TCF7: variants seen among roughly 807,000 people sequenced by gnomAD.
The protein encoded by TCF7 is transcription factor 7, also known as T-cell-factor-7.
A neutral mutation model predicts 46.8 loss-of-function variants in TCF7; 19 were observed. The ratio of observed to expected loss-of-function variants is 0.41; its 90% CI spans 0.28 to 0.60. The LOEUF (loss-of-function observed/expected upper bound fraction) is 0.60. Ranked by LOEUF, TCF7 falls within the 20% of genes least tolerant of loss-of-function variation. The pLI is 0.35. For synonymous variants in TCF7, 245 were observed against 213.4 expected, an observed-to-expected ratio of 1.15 and a Z score of -1.29; for missense variants, 547 against 504.6, an observed-to-expected ratio of 1.08 and a Z score of -0.81.
rs1252804988 is a variant in TCF7, at chr5:134,148,034, C to A, written c.*1731C>A. ...GTATTCACACACCCCTCAAAAAAAG[C>A]CTTTAGTTCCTACTTTAGCCACTGG... is the stretch of plus-strand genomic sequence containing the variant. On this transcript the variant is annotated 3_prime_UTR_variant, in exon 10 of 10. Transcript: ENST00000342854. The A allele has an allele frequency of 2.7e-5, 4 of 149,314 alleles. No homozygotes were observed. The highest frequency in any genetic ancestry group is 5.0e-5 in the African/African-American group (2 of 40,146). The allele number at this position is 149,314 out of a possible 1,614,324, so 9.2% of individuals were successfully genotyped here. A position where few individuals can be genotyped will look rare whatever the true frequency, so the allele number is the denominator to read the frequency against.
At chr5:134,139,622 C>G (rs1759433046) in intron 5 of TCF7, 1 of 153,790 alleles carries the variant, frequency 6.5e-6, no homozygotes, top group Admixed American at 6.4e-5. Flanking sequence ...GCCAGTAGGC[C>G]TGACTATGGG....
intron 3 of TCF7, among the ~76,000 whole-genome samples, chr5:134,135,873 G>A (rs530503211): frequency 1.3e-5 from 2 of 152,370 alleles, no homozygotes; most frequent in African/African-American, 4.8e-5. Context: ...ATATCAGGCA[G>A]TGTGGCATTC....
rs375582645 is a variant in TCF7, at chr5:134,138,065, G to A, written c.448G>A (p.Ala150Thr). ...HPQPQPPLHK[A>T]NQPPHGVPQL... ...CCTCCTTCTCATTTTTCAGCACAAG[G>A]CCAATCAGCCCCCCCACGGTGTCCC... is the stretch of plus-strand genomic sequence containing the variant. Residue 150 changes from alanine to threonine, a missense_variant, in exon 4 of 10, where the codon GCC becomes ACC. By Grantham distance (58) the Ala-to-Thr change is moderately conservative. Coordinates refer to ENST00000342854, the MANE Select transcript of TCF7 (RefSeq NM_003202.5). 3.8e-6 allele frequency: 6 copies of A among 1,598,076 alleles called. No individual in the cohort carries two copies. The highest frequency in any genetic ancestry group is 3.4e-6 in the Non-Finnish European group (4 of 1,171,190).
chr5:134,125,901 G>T (rs1757284932), intron 3 of TCF7, among the ~76,000 whole-genome samples: 2 of 152,168 alleles, frequency 1.3e-5, no homozygotes, highest in South Asian at 2.1e-4. Context: ...TGCTGTGTGG[G>T]TTCCCTCTCC....
At chr5:134,127,478 G>A (rs571264453) in intron 3 of TCF7, among the ~76,000 whole-genome samples, 8 of 152,370 alleles carry the variant, frequency 5.3e-5, no homozygotes, top group African/African-American at 1.4e-4. Flanking sequence ...TGGTCCTGAT[G>A]CAGCTCAGTG....
chr5:134,116,028 C>G lies in TCF7; in HGVS notation c.436C>G (p.Pro146Ala). 3.7e-6 allele frequency: 6 copies of G among 1,612,086 alleles called. No individual in the cohort carries two copies. The highest frequency in any genetic ancestry group is 5.1e-6 in the Non-Finnish European group (6 of 1,179,280). ...GAGQHPQPQP[P>A]LHKANQPPHG... is the part of the protein sequence containing the mutation. Reference sequence around the variant, plus strand: ...AGGGCAGCACCCCCAGCCGCAGCCCCCGCTGGTAAGTGGACCCCGCAGCCA... The same window carrying G: ...AGGGCAGCACCCCCAGCCGCAGCCCGCGCTGGTAAGTGGACCCCGCAGCCA... The change falls in exon 3 of 10, where the codon CCG (proline) becomes GCG (alanine). Residue 146 changes from proline to alanine, a missense_variant. Physicochemically the swap from Pro to Ala is conservative, Grantham distance 27. Coordinates refer to ENST00000342854, the MANE Select transcript of TCF7 (RefSeq NM_003202.5).
At chr5:134,130,419 G>C (rs1324024061) in intron 3 of TCF7, among the ~76,000 whole-genome samples, 1 of 152,218 alleles carries the variant, frequency 6.6e-6, no homozygotes, top group Non-Finnish European at 1.5e-5. Context: ...GCAGTGCAAA[G>C]AAGGAAAGTG....
intron 3 of TCF7, among the ~76,000 whole-genome samples, chr5:134,118,175 C>T (rs1343302505): frequency 6.6e-6 from 1 of 152,226 alleles, no homozygotes; most frequent in East Asian, 1.9e-4. Flanking sequence ...ATTCAAGGTT[C>T]ATGTGTCTGG....
chr5:134,116,272 T>C (rs768649068), intron 3 of TCF7, among the ~76,000 whole-genome samples: 4 of 152,268 alleles, frequency 2.6e-5, no homozygotes, highest in Admixed American at 6.5e-5. Context: ...CCCAGCTTGC[T>C]CATAAGCAGG....
Position 134,147,865 on chromosome 5 carries a change from A to T in TCF7, c.*1562A>T, listed in dbSNP as rs1561712069. ...GTGGTGCGCGCATGTAATCCCAGCT[A>T]CTCGGGAGGCTGAGGCGGAAGAATC... On this transcript the variant is annotated 3_prime_UTR_variant, in exon 10 of 10. Coordinates refer to ENST00000342854, the MANE Select transcript of TCF7 (RefSeq NM_003202.5). 4 of 150,186 alleles carry T rather than the reference A, an allele frequency of 2.7e-5. No individual in the cohort carries two copies. The highest frequency in any genetic ancestry group is 4.4e-5 in the Non-Finnish European group (3 of 67,846). 9.3% of individuals were successfully genotyped at this position (150,186 alleles called of 1,614,324 possible). A position where few individuals can be genotyped will look rare whatever the true frequency, so the allele number is the denominator to read the frequency against.
chr5:134,123,632 G>C (rs1756912582), intron 3 of TCF7: 2 of 453,914 alleles, frequency 4.4e-6, no homozygotes, highest in Non-Finnish European at 8.8e-6. Flanking sequence ...AGAGGCCCAG[G>C]GTCTACGAAG....
intron 3 of TCF7, among the ~76,000 whole-genome samples, chr5:134,128,390 C>G (rs1322115755): frequency 6.6e-6 from 1 of 152,036 alleles, no homozygotes; most frequent in Non-Finnish European, 1.5e-5. Context: ...GCAGCAGCAC[C>G]CCAGGGCCTG....
rs559463820 is a variant in TCF7, at chr5:134,127,376, C to T, written c.442-10683C>T. Among the ~76,000 whole-genome samples the T allele has an allele frequency of 5.3e-5, 8 of 152,310 alleles. No homozygotes were observed. In the South Asian group the frequency reaches 8.3e-4, roughly 16 times the overall value. On this transcript the variant is annotated intron_variant, in intron 3 of 9. Coordinates refer to ENST00000342854, the MANE Select transcript of TCF7 (RefSeq NM_003202.5). ...AAGGAATGTTATATGGAAAAGTATC[C>T]GTAAATGACATTAGGATTGATTCCG...
chr5:134,133,801 C>T (rs142134213), intron 3 of TCF7, among the ~76,000 whole-genome samples: 6 of 152,276 alleles, frequency 3.9e-5, no homozygotes, highest in Non-Finnish European at 5.9e-5. Context: ...CTGTTTAGTG[C>T]GTTTTTTCCC....
At chr5:134,116,439 C>T (rs1755853697) in intron 3 of TCF7, among the ~76,000 whole-genome samples, 1 of 152,228 alleles carries the variant, frequency 6.6e-6, no homozygotes, top group African/African-American at 2.4e-5. Context: ...CTCCTTGGCG[C>T]TTGGAGGAAT....
In TCF7 at chr5:134,115,918, C is replaced by T. The variant is rs1755759017; in HGVS notation, c.326C>T (p.Ala109Val). 1.9e-6 allele frequency: 3 copies of T among 1,613,986 alleles called. No individual in the cohort carries two copies. The highest frequency in any genetic ancestry group is 2.2e-5 in the East Asian group (1 of 44,888). Residue 109 changes from alanine to valine, a missense_variant, in exon 3 of 10, where the codon GCC becomes GTC. Physicochemically the swap from Ala to Val is moderately conservative, Grantham distance 64. Transcript: ENST00000342854. ...GCTGTGGTTTTTCCAGGCCTGAAGG[C>T]CCCGGAGTGCACCAGCGGCATGTAC... ...LPEPLEDGLK[A>V]PECTSGMYKE...
At chr5:134,143,223 C>T (rs1380130739) in intron 8 of TCF7, 123 bp downstream of exon 8, 12 of 1,104,560 alleles carry the variant, frequency 1.1e-5, no homozygotes, top group South Asian at 2.8e-5. Flanking sequence ...AGGAAGGGCA[C>T]GGAGGGTCCA....
At chr5:134,124,969 C>G (rs980644112) in intron 3 of TCF7, among the ~76,000 whole-genome samples, 1 of 152,232 alleles carries the variant, frequency 6.6e-6, no homozygotes, top group Non-Finnish European at 1.5e-5. Context: ...CATCCCTCCC[C>G]CTGCTGTGTG....
intron 4 of TCF7, chr5:134,138,609 G>T: frequency 3.4e-6 from 1 of 293,674 alleles, no homozygotes; most frequent in East Asian, 6.6e-5. Context: ...CCCCAGGCTG[G>T]GCTCCCCTAG....
Sources: allele counts gnomAD v4.1 joint callset (sites outside exome capture counted in the v4.1 genomes callset), GRCh38; gene constraint gnomAD v4.1.1; transcripts MANE v1.5; gene names NCBI Gene and HGNC (gene_info 2026-07-23, HGNC 2026-07-21).